SMURF1: variants seen among roughly 807,000 people sequenced by gnomAD.
SMURF1 encodes the protein E3 ubiquitin-protein ligase SMURF1.
SMURF1 carries 44 observed loss-of-function variants against 98.0 expected under a neutral mutation model. The ratio of observed to expected loss-of-function variants is 0.45; its 90% CI spans 0.35 to 0.58. The LOEUF (loss-of-function observed/expected upper bound fraction) is 0.58, where lower values mean the gene tolerates loss of function less well. SMURF1 is among the 20% of genes least tolerant of loss of function. The pLI is 0.00. For missense variants in SMURF1, 687 were observed against 938.4 expected (o/e 0.73, Z 3.50); for synonymous variants, 396 against 374.9 (o/e 1.06, Z -0.65).
intron 1 of SMURF1, among the ~76,000 whole-genome samples, chr7:99,134,819 A>G (rs182056893): frequency 6.6e-6 from 1 of 152,138 alleles, no homozygotes; most frequent in African/African-American, 2.4e-5. Flanking sequence ...CAGAACCAAG[A>G]CCTCAGTTTT....
intron 14 of SMURF1, among the ~76,000 whole-genome samples, chr7:99,037,708 G>A (rs139062883): frequency 0.016 from 2,390 of 152,226 alleles, 32 homozygotes; most frequent in Non-Finnish European, 0.024. Flanking sequence ...ATTTGCTCGC[G>A]AAAACAGGAG....
At chr7:99,046,236 A>T (rs917491068) in intron 10 of SMURF1, among the ~76,000 whole-genome samples, 9 of 152,150 alleles carry the variant, frequency 5.9e-5, no homozygotes, top group Non-Finnish European at 2.9e-5. Flanking sequence ...ATCACATTTG[A>T]TTTCCCACTG....
intron 1 of SMURF1, among the ~76,000 whole-genome samples, chr7:99,093,245 T>C (rs1337295405): frequency 6.6e-6 from 1 of 152,208 alleles, no homozygotes; most frequent in Non-Finnish European, 1.5e-5. Context: ...TTCTCTGAAA[T>C]TGTTATATTC....
chr7:99,041,562 C>A (rs926000670), intron 12 of SMURF1, among the ~76,000 whole-genome samples: 2 of 152,212 alleles, frequency 1.3e-5, no homozygotes, highest in East Asian at 3.8e-4. Context: ...AATGCACAAG[C>A]GGAGCCTGTC....
At chr7:99,095,490 A>T (rs1796938490) in intron 1 of SMURF1, among the ~76,000 whole-genome samples, 1 of 152,222 alleles carries the variant, frequency 6.6e-6, no homozygotes, top group Non-Finnish European at 1.5e-5. Flanking sequence ...TTTTGCTAGT[A>T]GTTACCAAGT....
At chr7:99,106,347 G>A (rs1797193244) in intron 1 of SMURF1, among the ~76,000 whole-genome samples, 1 of 152,094 alleles carries the variant, frequency 6.6e-6, no homozygotes, top group South Asian at 2.1e-4. Flanking sequence ...AAGCCCCCCT[G>A]TAAACCTATA....
chr7:99,114,288 A>G (rs796620682), intron 1 of SMURF1, among the ~76,000 whole-genome samples: 15 of 152,304 alleles, frequency 9.8e-5, no homozygotes, highest in African/African-American at 3.6e-4. Flanking sequence ...TTTAGATCCA[A>G]TTACACAAAT....
intron 1 of SMURF1, among the ~76,000 whole-genome samples, chr7:99,100,692 C>T (rs1354241064): frequency 6.6e-6 from 1 of 152,170 alleles, no homozygotes; most frequent in Non-Finnish European, 1.5e-5. Context: ...TTTGTTAAAA[C>T]AACAGTTATC....
intron 1 of SMURF1, among the ~76,000 whole-genome samples, chr7:99,117,396 T>G (rs750086646): frequency 6.6e-6 from 1 of 152,160 alleles, no homozygotes; most frequent in Non-Finnish European, 1.5e-5. Context: ...TCGCCCAGGC[T>G]TCAGTACGAT....
intron 1 of SMURF1, among the ~76,000 whole-genome samples, chr7:99,076,841 A>ACGTGTGCCCG (rs1563018590): frequency 1.6e-5 from 1 of 62,426 alleles, no homozygotes; most frequent in Non-Finnish European, 6.5e-5. Flanking sequence ...GCCCATGTGT[A>ACGTGTGCCCG]TGTGTGTGCA....
At position 99,052,236 on chromosome 7, in the gene SMURF1, G is replaced by A. The variant is rs780482709; in HGVS notation, c.690C>T (p.Gly230=). 6.3e-7 allele frequency: 1 copy of A among 1,588,896 alleles called. No homozygotes were observed. Among genetic ancestry groups the A allele is most frequent in the South Asian group, 1.2e-5 (1 of 86,826 alleles). Reference sequence around the variant, plus strand: ...CTTCGGGCAGTTCCGGGGACTGGTGGCCGTGTGGTCGGTTCTGGGGCGTCT... The same window carrying A: ...CTTCGGGCAGTTCCGGGGACTGGTGACCGTGTGGTCGGTTCTGGGGCGTCT... ...SLQTPQNRPH[G]HQSPELPEGY... is the part of the protein sequence containing the mutation. Residue 230 remains glycine, a synonymous_variant, in exon 7 of 18, where the codon GGC becomes GGT. Coordinates refer to ENST00000361368, the MANE Select transcript of SMURF1 (RefSeq NM_181349.3).
At chr7:99,132,670 A>G (rs1002359954) in intron 1 of SMURF1, among the ~76,000 whole-genome samples, 1 of 150,266 alleles carries the variant, frequency 6.7e-6, no homozygotes, top group Non-Finnish European at 1.5e-5. Flanking sequence ...GTCAAGAGGA[A>G]GAGTATTATA....
chr7:99,136,500 G>A (rs1411966149), intron 1 of SMURF1, among the ~76,000 whole-genome samples: 3 of 151,804 alleles, frequency 2.0e-5, no homozygotes, highest in Non-Finnish European at 2.9e-5. Flanking sequence ...TGATCTTTTG[G>A]GCTTTTAAAG....
intron 1 of SMURF1, among the ~76,000 whole-genome samples, chr7:99,108,472 C>A (rs868357953): frequency 6.7e-6 from 1 of 149,546 alleles, no homozygotes; most frequent in Non-Finnish European, 1.5e-5. Context: ...ATTAACCGAG[C>A]GTGGTGGTGC....
At chr7:99,071,787 G>A (rs1186851649) in intron 1 of SMURF1, among the ~76,000 whole-genome samples, 10 of 152,096 alleles carry the variant, frequency 6.6e-5, no homozygotes, top group African/African-American at 1.9e-4. Flanking sequence ...GCGGAACAAG[G>A]GCAAGGCCAG....
chr7:99,094,233 T>A (rs1387104955), intron 1 of SMURF1, among the ~76,000 whole-genome samples: 1 of 152,248 alleles, frequency 6.6e-6, no homozygotes, highest in East Asian at 1.9e-4. Context: ...TAGCTTTCTA[T>A]ATCACAAAGA....
At chr7:99,064,605 A>G (rs1479795178) in intron 1 of SMURF1, among the ~76,000 whole-genome samples, 1 of 152,030 alleles carries the variant, frequency 6.6e-6, no homozygotes, top group African/African-American at 2.4e-5. Flanking sequence ...GTCTTTGTAG[A>G]TGTTTGTTGA....
At chr7:99,091,798 A>T (rs1389771630) in intron 1 of SMURF1, among the ~76,000 whole-genome samples, 4 of 152,074 alleles carry the variant, frequency 2.6e-5, no homozygotes, top group Admixed American at 2.0e-4. Context: ...CCTTCCCCAC[A>T]TGGCTTTCCT....
At chr7:99,063,279 A>ATATATATATATATATAAGATTTT (rs1796104040) in intron 1 of SMURF1, among the ~76,000 whole-genome samples, 1 of 19,352 alleles carries the variant, frequency 5.2e-5, no homozygotes. Context: ...ATATATATAT[A>ATATATATATATATATAAGATTTT]TATATATATA....
Sources: allele counts gnomAD v4.1 joint callset (sites outside exome capture counted in the v4.1 genomes callset), GRCh38; gene constraint gnomAD v4.1.1; transcripts MANE v1.5; gene names NCBI Gene and HGNC (gene_info 2026-07-23, HGNC 2026-07-21).